Variants in HEMK2 observed in about 807,000 individuals in gnomAD.
HEMK2 encodes HemK methyltransferase 2, ETF1 glutamine and histone H4 lysine, also known as methyltransferase HEMK2.
At chr21:28,726,447 A>G in the HEMK2 span, among the ~76,000 whole-genome samples, 3 of 152,348 alleles carry the variant, frequency 2.0e-5, no homozygotes, top group East Asian at 5.8e-4. Flanking sequence ...GACAGAGGTT[A>G]ATATCAATGT....
At chr21:28,800,602 G>C in the HEMK2 span, among the ~76,000 whole-genome samples, 2 of 151,980 alleles carry the variant, frequency 1.3e-5, no homozygotes, top group Non-Finnish European at 2.9e-5. Flanking sequence ...TATATATTGT[G>C]CATGTGTATG....
the HEMK2 span, among the ~76,000 whole-genome samples, chr21:28,638,038 T>C: frequency 3.6e-3 from 552 of 152,298 alleles, 2 homozygotes; most frequent in Non-Finnish European, 6.2e-3. Flanking sequence ...ACATTTTAGT[T>C]TTACATTCCT....
the HEMK2 span, among the ~76,000 whole-genome samples, chr21:28,855,488 G>A: frequency 6.6e-6 from 1 of 152,144 alleles, no homozygotes; most frequent in African/African-American, 2.4e-5. Context: ...AATTATAAGT[G>A]TTGGGACCTG....
chr21:28,596,258 C>T, the HEMK2 span, among the ~76,000 whole-genome samples: 1 of 151,974 alleles, frequency 6.6e-6, no homozygotes, highest in African/African-American at 2.4e-5. Flanking sequence ...ACCTTGTGAT[C>T]CACCCCACCT....
At chr21:28,694,281 C>T in the HEMK2 span, among the ~76,000 whole-genome samples, 5 of 152,280 alleles carry the variant, frequency 3.3e-5, no homozygotes, top group East Asian at 9.7e-4. Flanking sequence ...GTAGAATTTG[C>T]TTTGACCTAA....
chr21:28,800,907 T>C, the HEMK2 span, among the ~76,000 whole-genome samples: 2 of 152,342 alleles, frequency 1.3e-5, no homozygotes, highest in East Asian at 1.9e-4. Flanking sequence ...GGGCCCATCA[T>C]TGACTAAGTA....
At chr21:28,715,334 G>A in the HEMK2 span, among the ~76,000 whole-genome samples, 1 of 151,742 alleles carries the variant, frequency 6.6e-6, no homozygotes, top group Non-Finnish European at 1.5e-5. Flanking sequence ...TTAATAGCCA[G>A]TCTGACTGAT....
At chr21:28,617,420 T>C in the HEMK2 span, among the ~76,000 whole-genome samples, 5 of 152,240 alleles carry the variant, frequency 3.3e-5, no homozygotes, top group Non-Finnish European at 7.3e-5. Flanking sequence ...AGTCCCTTAA[T>C]GGTGTCAGTA....
the HEMK2 span, among the ~76,000 whole-genome samples, chr21:28,650,891 T>A: frequency 6.6e-6 from 1 of 152,134 alleles, no homozygotes; most frequent in Non-Finnish European, 1.5e-5. Flanking sequence ...CTTTAGGGGA[T>A]GATTTCATTT....
chr21:28,613,315 A>G, the HEMK2 span, among the ~76,000 whole-genome samples: 1 of 152,116 alleles, frequency 6.6e-6, no homozygotes, highest in South Asian at 2.1e-4. Context: ...TCTAGAATCA[A>G]GAACTTCTAT....
At chr21:28,668,906 T>C in the HEMK2 span, among the ~76,000 whole-genome samples, 1 of 152,308 alleles carries the variant, frequency 6.6e-6, no homozygotes, top group African/African-American at 2.4e-5. Context: ...ATCTCATCAA[T>C]AATCCCATCA....
At chr21:28,784,360 C>T in the HEMK2 span, among the ~76,000 whole-genome samples, 23 of 151,954 alleles carry the variant, frequency 1.5e-4, no homozygotes, top group Middle Eastern at 0.014. Flanking sequence ...GTAAATGCAC[C>T]GATCAGCACC....
chr21:28,772,497 T>G, the HEMK2 span, among the ~76,000 whole-genome samples: 59 of 152,320 alleles, frequency 3.9e-4, no homozygotes, highest in African/African-American at 1.1e-3. Context: ...TTTTATCCAA[T>G]TCTGGGTAAA....
the HEMK2 span, among the ~76,000 whole-genome samples, chr21:28,824,122 C>A: frequency 6.6e-6 from 1 of 152,158 alleles, no homozygotes; most frequent in South Asian, 2.1e-4. Flanking sequence ...AATTTAAGAC[C>A]ACCAATGACC....
At chr21:28,846,546 G>T in the HEMK2 span, among the ~76,000 whole-genome samples, 1 of 152,086 alleles carries the variant, frequency 6.6e-6, no homozygotes, top group South Asian at 2.1e-4. Flanking sequence ...TCTCCCTAAT[G>T]ATTAGTAATA....
chr21:28,741,607 G>A, the HEMK2 span, among the ~76,000 whole-genome samples: 2 of 151,998 alleles, frequency 1.3e-5, no homozygotes, highest in South Asian at 2.1e-4. Flanking sequence ...GTGTCTCTGC[G>A]TTCTCATCAT....
chr21:28,759,771 T>C, the HEMK2 span, among the ~76,000 whole-genome samples: 1 of 152,168 alleles, frequency 6.6e-6, no homozygotes, highest in Non-Finnish European at 1.5e-5. Flanking sequence ...TTGGCTTTCA[T>C]TCTCTCTTGT....
chr21:28,624,028 G>A, the HEMK2 span, among the ~76,000 whole-genome samples: 1 of 152,174 alleles, frequency 6.6e-6, no homozygotes, highest in African/African-American at 2.4e-5. Flanking sequence ...AATGCCAGCA[G>A]TTTCAGACTC....
the HEMK2 span, among the ~76,000 whole-genome samples, chr21:28,849,738 C>A: frequency 6.6e-6 from 1 of 152,110 alleles, no homozygotes; most frequent in South Asian, 2.1e-4. Context: ...ATAGTAAGTA[C>A]TGACAGCAGA....
Sources: gnomAD v4.1 joint callset for allele counts (sites outside exome capture counted in the v4.1 genomes callset) on GRCh38, gnomAD v4.1.1 for gene constraint, MANE v1.5 for transcripts, NCBI Gene and HGNC (gene_info 2026-07-23, HGNC 2026-07-21) for gene names.